Variants in SLFN11 observed in about 807,000 individuals in gnomAD.
The protein encoded by SLFN11 is schlafen family member 11.
Under a neutral mutation model 53.4 loss-of-function variants are expected in SLFN11, and 43 were observed. The ratio of observed to expected loss-of-function variants is 0.80; its 90% CI spans 0.63 to 1.04. The LOEUF (loss-of-function observed/expected upper bound fraction) is 1.04, where lower values mean the gene tolerates loss of function less well. SLFN11 is among the 50% of genes least tolerant of loss of function. The pLI is 0.00. For missense variants in SLFN11, 990 were observed against 1,079.1 expected (o/e 0.92, Z 1.16); for synonymous variants, 389 against 394.7 (o/e 0.99, Z 0.17).
chr17:35,353,221 C>T (rs1906981712), intron 6 of SLFN11, 82 bp from the exon 7 acceptor site: 2 of 1,593,672 alleles, frequency 1.3e-6, no homozygotes, highest in African/African-American at 2.7e-5. Context: ...CCTCCGAGCA[C>T]AGTACATTAC....
At chr17:35,372,537 G>A (rs1909818308) in intron 1 of SLFN11, among the ~76,000 whole-genome samples, 1 of 152,016 alleles carries the variant, frequency 6.6e-6, no homozygotes, top group African/African-American at 2.4e-5. Flanking sequence ...ATTTCACATT[G>A]CATGTCTGTA....
At chr17:35,366,288 G>C (rs1271186606) in intron 3 of SLFN11, among the ~76,000 whole-genome samples, 1 of 151,964 alleles carries the variant, frequency 6.6e-6, no homozygotes, top group African/African-American at 2.4e-5. Flanking sequence ...AAGAAGGAGC[G>C]TGAACTTTGA....
chr17:35,359,469 T>C (rs1907923306), intron 5 of SLFN11, among the ~76,000 whole-genome samples: 1 of 152,168 alleles, frequency 6.6e-6, no homozygotes, highest in Non-Finnish European at 1.5e-5. Flanking sequence ...TAGTGCCAGA[T>C]AAGCCACTGA....
intron 5 of SLFN11, among the ~76,000 whole-genome samples, chr17:35,356,932 G>A (rs568029901): frequency 6.6e-6 from 1 of 151,688 alleles, no homozygotes; most frequent in South Asian, 2.1e-4. Context: ...ACTCCCACTA[G>A]CAATGTACAA....
At chr17:35,370,334 C>A (rs1909491926) in intron 1 of SLFN11, among the ~76,000 whole-genome samples, 1 of 152,064 alleles carries the variant, frequency 6.6e-6, no homozygotes, top group African/African-American at 2.4e-5. Context: ...CATACCACAA[C>A]ATAATAAAAT....
At chr17:35,369,202 G>A (rs1344249058) in intron 1 of SLFN11, among the ~76,000 whole-genome samples, 1 of 152,032 alleles carries the variant, frequency 6.6e-6, no homozygotes, top group Non-Finnish European at 1.5e-5. Context: ...AGCATTTCTG[G>A]ACCCAACCTG....
At chr17:35,358,897 A>T (rs896468487) in intron 5 of SLFN11, among the ~76,000 whole-genome samples, 6 of 152,040 alleles carry the variant, frequency 3.9e-5, no homozygotes, top group Non-Finnish European at 5.9e-5. Flanking sequence ...TCATGCCTAT[A>T]GTCTTAGCTT....
intron 1 of SLFN11, among the ~76,000 whole-genome samples, chr17:35,370,772 A>C (rs774711111): frequency 1.1e-4 from 17 of 152,090 alleles, no homozygotes; most frequent in Non-Finnish European, 2.4e-4. Flanking sequence ...TAAATGAAAG[A>C]TCTCTACAAT....
chr17:35,362,907 T>C lies in SLFN11; in HGVS notation c.901A>G (p.Asn301Asp), dbSNP rs4796077. 0.96 allele frequency: 1,556,761 copies of C among 1,613,884 alleles called. 751,093 individuals are homozygous for C. The highest frequency in any genetic ancestry group is 0.99 in the Admixed American group (59,123 of 60,008). The part of the protein sequence containing the change: ...RPITFTLKIV[N>D]VLKRGELYGY... The stretch of plus-strand genomic sequence containing the variant: ...TAGAGCTCTCCCCTTTTTAACACAT[T>C]CACAATTTTGAGTGTGAAGGTTATC... Residue 301 changes from asparagine (N) to aspartate (D), a missense_variant, in exon 4 of 7, where the codon AAT becomes GAT. By Grantham distance (23) the Asn-to-Asp change is conservative. This residue lies in a region of SLFN11 where 521 missense variants were observed against 516.2 expected (regional missense o/e 1.01). Coordinates refer to ENST00000685675, the MANE Select transcript of SLFN11 (RefSeq NM_001376007.1).
chr17:35,368,977 T>C (rs1003024976), intron 1 of SLFN11, among the ~76,000 whole-genome samples: 1 of 152,072 alleles, frequency 6.6e-6, no homozygotes, highest in Non-Finnish European at 1.5e-5. Flanking sequence ...CCTTGGTCCC[T>C]GAATAATCAG....
rs1246556645 is a variant in SLFN11 at position 35,362,968 on chromosome 17, T to C, written c.840A>G (p.Lys280=). 1 of 1,613,792 alleles carries C rather than the reference T, an allele frequency of 6.2e-7. No individual in the cohort carries two copies. Among genetic ancestry groups the C allele is most frequent in the East Asian group, 2.2e-5 (1 of 44,878 alleles). The change falls in exon 4 of 7, where the codon AAA becomes AAG. Residue 280 remains lysine (K), a synonymous_variant. Transcript: ENST00000685675. ...LRRKIEQAIY[K]LPCVHFCQPQ... ...GTTGGCAAAAATGAACACAAGGTAGTTTGTATATGGCTTGTTCTATTTTCC... is the reference window on the plus strand; with the variant it reads ...GTTGGCAAAAATGAACACAAGGTAGCTTGTATATGGCTTGTTCTATTTTCC...
At chr17:35,356,698 T>C (rs921662365) in intron 5 of SLFN11, among the ~76,000 whole-genome samples, 2 of 151,988 alleles carry the variant, frequency 1.3e-5, no homozygotes, top group South Asian at 2.1e-4. Context: ...CCAGTCCCTA[T>C]TGATGGGCCC....
At chr17:35,367,290 T>C (rs746072802) in intron 2 of SLFN11, 11 of 152,126 alleles carry the variant, frequency 7.2e-5, no homozygotes, top group Non-Finnish European at 1.5e-4. Context: ...AGCCAATAGA[T>C]TATAGTTTTT....
At chr17:35,357,587 G>T (rs1022778995) in intron 5 of SLFN11, among the ~76,000 whole-genome samples, 1 of 150,738 alleles carries the variant, frequency 6.6e-6, no homozygotes, top group Non-Finnish European at 1.5e-5. Flanking sequence ...CTACTTACTT[G>T]CAAGGCCAGT....
chr17:35,355,866 C>T (rs1907407709), intron 5 of SLFN11, among the ~76,000 whole-genome samples: 1 of 152,114 alleles, frequency 6.6e-6, no homozygotes, highest in Non-Finnish European at 1.5e-5. Flanking sequence ...CCTCACCCTC[C>T]CCAGAACTCC....
chr17:35,360,245 G>A lies in SLFN11; in HGVS notation c.1196C>T (p.Ser399Leu), dbSNP rs756508445. The part of the protein sequence containing the change: ...HKKELQQLLF[S>L]VPPGYLRYTP... ...TTGAGAAGACAAACCATAATTACCTGAAAATAAAAGTTGCTGGAGTTCCTT... is the reference window on the plus strand; with the variant it reads ...TTGAGAAGACAAACCATAATTACCTAAAAATAAAAGTTGCTGGAGTTCCTT... The change falls in exon 5 of 7, where the codon TCA (serine) becomes TTA (leucine). Residue 399 changes from serine to leucine, a missense_variant and splice_region_variant. Physicochemically the swap from Ser to Leu is moderately radical, Grantham distance 145 (BLOSUM62 -2). Coordinates refer to ENST00000685675, the MANE Select transcript of SLFN11 (RefSeq NM_001376007.1). 11 of 1,609,424 alleles carry A rather than the reference G, an allele frequency of 6.8e-6. No homozygotes were observed. The highest frequency in any genetic ancestry group is 8.5e-6 in the Non-Finnish European group (10 of 1,178,668).
chr17:35,371,187 T>C (rs1249151822), intron 1 of SLFN11, among the ~76,000 whole-genome samples: 1 of 152,036 alleles, frequency 6.6e-6, no homozygotes, highest in Non-Finnish European at 1.5e-5. Context: ...GTGAACTCAT[T>C]TTTCACAAAG....
intron 5 of SLFN11, among the ~76,000 whole-genome samples, chr17:35,354,473 G>A (rs1470126586): frequency 6.6e-6 from 1 of 152,188 alleles, no homozygotes; most frequent in Admixed American, 6.5e-5. Flanking sequence ...ATTGCTGGGA[G>A]TAGCAGGAGC....
chr17:35,358,017 TTAAA>T (rs1289377803), intron 5 of SLFN11, among the ~76,000 whole-genome samples: 7 of 149,222 alleles, frequency 4.7e-5, no homozygotes, highest in African/African-American at 1.7e-4. Context: ...ATGTTTAGAT[TTAAA>T]TAATCTCTTT....
Sources: gnomAD v4.1 joint callset for allele counts (sites outside exome capture counted in the v4.1 genomes callset) on GRCh38, gnomAD v4.1.1 for gene constraint, gnomAD v4.1.1 regional missense constraint, MANE v1.5 for transcripts, NCBI Gene and HGNC (gene_info 2026-07-23, HGNC 2026-07-21) for gene names.